Variants in EYA1 observed in about 807,000 individuals in gnomAD.
EYA1 encodes the protein EYA transcriptional coactivator and phosphatase 1.
A neutral mutation model predicts 82.0 loss-of-function variants in EYA1; 16 were observed. The observed-to-expected ratio is 0.20, with a 90% CI of 0.13 to 0.30. The LOEUF (loss-of-function observed/expected upper bound fraction) is 0.30, where lower values mean the gene tolerates loss of function less well. Among genes scored for constraint, EYA1 ranks in the 10% least tolerant of loss-of-function variants. The pLI, the probability that EYA1 is intolerant of heterozygous loss-of-function variation, is 1.00. For missense variants in EYA1, 633 were observed against 730.7 expected, an observed-to-expected ratio of 0.87 and a Z score of 1.54; for synonymous variants, 261 against 264.4, an observed-to-expected ratio of 0.99 and a Z score of 0.12.
chr8:71,419,254 G>A (rs1831017288), intron 2 of EYA1, among the ~76,000 whole-genome samples: 1 of 152,148 alleles, frequency 6.6e-6, no homozygotes, highest in African/African-American at 2.4e-5. Flanking sequence ...TAGTACAACA[G>A]TCCATCATAT....
chr8:71,476,642 AC>A (rs772456522), intron 2 of EYA1, among the ~76,000 whole-genome samples: 1 of 145,898 alleles, frequency 6.9e-6, no homozygotes, highest in Non-Finnish European at 1.5e-5. Context: ...AGATGGTAGT[AC>A]CCCCCAAATT....
chr8:71,266,830 A>G (rs1271186201), intron 11 of EYA1, among the ~76,000 whole-genome samples: 6 of 152,030 alleles, frequency 3.9e-5, no homozygotes, highest in Admixed American at 3.3e-4. Flanking sequence ...CTCCAAATTG[A>G]ATTCTTTACT....
chr8:71,545,640 C>A (rs1194455812), intron 1 of EYA1, among the ~76,000 whole-genome samples: 1 of 145,882 alleles, frequency 6.9e-6, no homozygotes, highest in Non-Finnish European at 1.5e-5. Context: ...CGGCTCACTG[C>A]AAGCTCTGCC....
At chr8:71,200,634 T>C (rs1806861634) in intron 17 of EYA1, among the ~76,000 whole-genome samples, 1 of 152,136 alleles carries the variant, frequency 6.6e-6, no homozygotes, top group African/African-American at 2.4e-5. Context: ...AGAAGGATGC[T>C]CCTCTTGGAA....
intron 10 of EYA1, among the ~76,000 whole-genome samples, chr8:71,271,169 G>C (rs921971086): frequency 6.6e-6 from 1 of 152,168 alleles, no homozygotes; most frequent in Non-Finnish European, 1.5e-5. Flanking sequence ...GTGGATACTA[G>C]GTGTATATAA....
Position 71,304,613 on chromosome 8 carries a change from GA to G in EYA1, c.557-4894del, listed in dbSNP as rs1199316756. 7.0e-5 allele frequency among the ~76,000 whole-genome samples: 10 copies of G among 142,596 alleles called. 1 individual carries two copies. The highest frequency in any genetic ancestry group is 1.3e-4 in the Non-Finnish European group (8 of 62,710). The allele number at this position is 142,596 out of a possible 152,430, so 93.5% of individuals were successfully genotyped here. A position where few individuals can be genotyped will look rare whatever the true frequency, so the allele number is the denominator to read the frequency against. On this transcript the variant is annotated intron_variant, in intron 7 of 17. Coordinates refer to ENST00000340726, the MANE Select transcript of EYA1 (RefSeq NM_000503.6). ...GTTTACCAAATACCTATAAGTGTCT[GA>G]TTTTTAGTACCAATTCAGGAGGTGT...
intron 4 of EYA1, among the ~76,000 whole-genome samples, chr8:71,329,503 C>T (rs548547202): frequency 6.6e-6 from 1 of 152,248 alleles, no homozygotes; most frequent in Non-Finnish European, 1.5e-5. Context: ...TACTGTCCAT[C>T]CTATTCTCTG....
At chr8:71,333,997 A>G (rs1824186732) in intron 4 of EYA1, 100 bp downstream of exon 4, 1 of 826,414 alleles carries the variant, frequency 1.2e-6, no homozygotes, top group Admixed American at 1.8e-5. Context: ...CCACATATAT[A>G]CACATATACA....
intron 1 of EYA1, among the ~76,000 whole-genome samples, chr8:71,541,478 A>G (rs759020874): frequency 4.6e-5 from 7 of 152,260 alleles, no homozygotes; most frequent in Non-Finnish European, 1.0e-4. Flanking sequence ...TAGAAAGTCA[A>G]ATGAACTGAT....
intron 11 of EYA1, among the ~76,000 whole-genome samples, chr8:71,267,497 A>G (rs1185078740): frequency 1.3e-5 from 2 of 152,232 alleles, no homozygotes; most frequent in Non-Finnish European, 2.9e-5. Context: ...AAACTCAAAT[A>G]GCCTGTACTT....
At chr8:71,265,202 A>T (rs1586076360) in intron 11 of EYA1, among the ~76,000 whole-genome samples, 3 of 152,214 alleles carry the variant, frequency 2.0e-5, no homozygotes, top group Admixed American at 6.5e-5. Flanking sequence ...CCTACTTTCA[A>T]ATATAACTGG....
intron 2 of EYA1, among the ~76,000 whole-genome samples, chr8:71,500,616 A>T (rs1405019236): frequency 6.6e-6 from 1 of 152,218 alleles, no homozygotes; most frequent in Non-Finnish European, 1.5e-5. Flanking sequence ...GTAAGCTGTC[A>T]AGTGACTAAC....
chr8:71,232,057 A>G (rs914458306), intron 12 of EYA1, among the ~76,000 whole-genome samples: 4 of 152,222 alleles, frequency 2.6e-5, no homozygotes, highest in Non-Finnish European at 5.9e-5. Context: ...GTTTTGTGCA[A>G]TGATGTTTGC....
intron 2 of EYA1, among the ~76,000 whole-genome samples, chr8:71,396,044 A>C (rs994833850): frequency 3.9e-5 from 6 of 152,090 alleles, no homozygotes; most frequent in African/African-American, 1.4e-4. Flanking sequence ...CGAGGAATTT[A>C]TCCATTTCTT....
intron 1 of EYA1, among the ~76,000 whole-genome samples, chr8:71,542,029 C>T (rs1242864343): frequency 6.6e-6 from 1 of 152,102 alleles, no homozygotes; most frequent in Non-Finnish European, 1.5e-5. Flanking sequence ...AATTTTCTTA[C>T]TTTATTCAAA....
chr8:71,506,636 T>C (rs1445830102), intron 2 of EYA1, among the ~76,000 whole-genome samples: 1 of 152,168 alleles, frequency 6.6e-6, no homozygotes, highest in Non-Finnish European at 1.5e-5. Context: ...AGATAGATCT[T>C]TGATAAAAGC....
intron 9 of EYA1, 43 bp downstream of exon 9, chr8:71,299,004 T>C: frequency 4.4e-6 from 7 of 1,585,618 alleles, no homozygotes; most frequent in Non-Finnish European, 5.2e-6. Flanking sequence ...ATTGAAACCA[T>C]TGAAAATATC....
chr8:71,450,230 T>A (rs1221779224), intron 2 of EYA1, among the ~76,000 whole-genome samples: 3 of 152,258 alleles, frequency 2.0e-5, no homozygotes, highest in African/African-American at 7.2e-5. Context: ...GGCCTACTTT[T>A]GGCCTGTCTT....
At chr8:71,500,015 C>A (rs1265140463) in intron 2 of EYA1, among the ~76,000 whole-genome samples, 1 of 152,120 alleles carries the variant, frequency 6.6e-6, no homozygotes, top group Non-Finnish European at 1.5e-5. Context: ...TAGTAAAAGA[C>A]TGTCAGGGTG....
Sources: gnomAD v4.1 joint callset for allele counts (sites outside exome capture counted in the v4.1 genomes callset) on GRCh38, gnomAD v4.1.1 for gene constraint, MANE v1.5 for transcripts, NCBI Gene and HGNC (gene_info 2026-07-23, HGNC 2026-07-21) for gene names.